The following SMIM14 variants were observed in gnomAD, a reference collection of about 807,000 sequenced individuals.
The protein encoded by SMIM14 is small integral membrane protein 14, also known as chromosome 4 open reading frame 34.
A neutral mutation model predicts 12.6 loss-of-function variants in SMIM14; 5 were observed. The observed-to-expected ratio is 0.40, with a 90% CI of 0.21 to 0.83. SMIM14 has a LOEUF of 0.83. Ranked by LOEUF, SMIM14 falls within the 40% of genes least tolerant of loss-of-function variation. The probability of loss-of-function intolerance (pLI) is 0.37; values close to 1 mark genes in which losing one functional copy is unlikely to be tolerated. For synonymous variants in SMIM14, 30 were observed against 40.1 expected (o/e 0.75, Z 0.95); for missense variants, 86 against 119.1 (o/e 0.72, Z 1.29).
chr4:39,569,909 G>A (rs1013564221), intron 3 of SMIM14, among the ~76,000 whole-genome samples: 2 of 152,052 alleles, frequency 1.3e-5, no homozygotes. Flanking sequence ...CAGCACCAGA[G>A]GAGTCTATAA....
At position 39,551,659 on chromosome 4, in the gene SMIM14, CAG is replaced by C. The variant is rs1276830234; in HGVS notation, c.*465_*466del. 6.5e-6 allele frequency: 1 copy of C among 152,720 alleles called. No individual in the cohort carries two copies. Among genetic ancestry groups the C allele is most frequent in the African/African-American group, 2.4e-5 (1 of 41,460 alleles). The allele number at this position is 152,720 out of a possible 1,614,324, so 9.5% of individuals were successfully genotyped here. On this transcript the variant is annotated 3_prime_UTR_variant, in exon 5 of 5. Transcript: ENST00000295958. Reference sequence around the variant, plus strand: ...TAAACTACCAAGGTAAATGTAAATACAGCGTGGTTCTAATTTTCTTTCACACA... The same window carrying C: ...TAAACTACCAAGGTAAATGTAAATACCGTGGTTCTAATTTTCTTTCACACA...
chr4:39,549,316 A>T lies in SMIM14; in HGVS notation c.*2810T>A, dbSNP rs974917725. On this transcript the variant is annotated 3_prime_UTR_variant, in exon 5 of 5. Coordinates refer to ENST00000295958, the MANE Select transcript of SMIM14 (RefSeq NM_174921.3). ...CCTTTTTTTTTTGAGACAGGGTCTC[A>T]CTCTGTCACTCAAGCTGGAGTGCAG... 6.6e-6 allele frequency: 1 copy of T among 151,646 alleles called. No individual in the cohort carries two copies. The highest frequency in any genetic ancestry group is 1.5e-5 in the Non-Finnish European group (1 of 68,022). The allele number at this position is 151,646 out of a possible 1,614,324, so 9.4% of individuals were successfully genotyped here. A position where few individuals can be genotyped will look rare whatever the true frequency, so the allele number is the denominator to read the frequency against.
intron 1 of SMIM14, among the ~76,000 whole-genome samples, chr4:39,612,318 G>A (rs1715065559): frequency 6.6e-6 from 1 of 150,422 alleles, no homozygotes; most frequent in African/African-American, 2.4e-5. Context: ...GCAATGGTGT[G>A]ATCTCGGCTC....
chr4:39,574,237 CTTTTTTT>C (rs11338888), intron 2 of SMIM14, among the ~76,000 whole-genome samples: 1,806 of 126,898 alleles, frequency 0.014, 29 homozygotes, highest in African/African-American at 0.05. Context: ...CTGCAACTTT[CTTTTTTT>C]TTTTTTTTTT....
intron 1 of SMIM14, among the ~76,000 whole-genome samples, chr4:39,628,518 T>A (rs1347792941): frequency 2.7e-5 from 4 of 150,616 alleles, no homozygotes; most frequent in Admixed American, 2.6e-4. Flanking sequence ...ACTAAAAATA[T>A]TTTTAAAAAA....
At chr4:39,579,671 C>T (rs1339138115) in intron 2 of SMIM14, among the ~76,000 whole-genome samples, 1 of 151,652 alleles carries the variant, frequency 6.6e-6, no homozygotes, top group Non-Finnish European at 1.5e-5. Context: ...GGTGCAACCC[C>T]ATTTCTACTA....
intron 1 of SMIM14, among the ~76,000 whole-genome samples, chr4:39,627,708 A>G (rs1237645941): frequency 6.6e-6 from 1 of 152,130 alleles, no homozygotes; most frequent in Non-Finnish European, 1.5e-5. Flanking sequence ...CATCTGCATA[A>G]AAGGGAAAGA....
rs1308302404 is a variant in SMIM14, at chr4:39,558,912, G to C, written c.125-2342C>G. 2.6e-5 allele frequency among the ~76,000 whole-genome samples: 4 copies of C among 152,044 alleles called. No homozygotes were observed. Among genetic ancestry groups the C allele is most frequent in the Non-Finnish European group, 4.4e-5 (3 of 67,998 alleles). ...TTTAGTAGAGATGGGGTTTCACCAT[G>C]TTGGCCAGGCTGGTCTCAAACTCCT... On this transcript the variant is annotated intron_variant, in intron 3 of 4. Coordinates refer to ENST00000295958, the MANE Select transcript of SMIM14 (RefSeq NM_174921.3). This position sits in a 1 kb window ranked among gnomAD's most constrained non-coding sequence, Gnocchi z 4.3.
At chr4:39,568,363 T>C (rs1712690264) in intron 3 of SMIM14, among the ~76,000 whole-genome samples, 2 of 152,134 alleles carry the variant, frequency 1.3e-5, no homozygotes, top group South Asian at 4.1e-4. Flanking sequence ...TGACTCTACC[T>C]AGCAGCTGCT....
At chr4:39,628,657 G>A (rs1326008847) in intron 1 of SMIM14, among the ~76,000 whole-genome samples, 4 of 151,328 alleles carry the variant, frequency 2.6e-5, no homozygotes, top group African/African-American at 9.7e-5. Flanking sequence ...ACTCCAGCCT[G>A]GGTGACAAGG....
In SMIM14 at chr4:39,552,052, T is replaced by C. The variant is rs1033720824; in HGVS notation, c.*74A>G. The C allele has an allele frequency of 4.8e-6, 6 of 1,251,538 alleles. No homozygotes were observed. In the Admixed American group the frequency reaches 1.1e-4, roughly 23 times the overall value. The allele number at this position is 1,251,538 out of a possible 1,614,324, so 77.5% of individuals were successfully genotyped here. A position where few individuals can be genotyped will look rare whatever the true frequency, so the allele number is the denominator to read the frequency against. Reference sequence around the variant, plus strand: ...AAAGGAAAAACAGTTCTAATGGGGTTAAGAGTACTCTGGTCATCTTCGTTC... The same window carrying C: ...AAAGGAAAAACAGTTCTAATGGGGTCAAGAGTACTCTGGTCATCTTCGTTC... On this transcript the variant is annotated 3_prime_UTR_variant, in exon 5 of 5. Transcript: ENST00000295958.
At position 39,549,173 on chromosome 4, in the gene SMIM14, G is replaced by C. The variant is rs1057247393; in HGVS notation, c.*2953C>G. On this transcript the variant is annotated 3_prime_UTR_variant, in exon 5 of 5. Coordinates refer to ENST00000295958, the MANE Select transcript of SMIM14 (RefSeq NM_174921.3). ...CGCGCCACTTCACTCCAGCTTGGGCGAAAGAGCAAAACTCCATCTCAAAAC... is the reference window on the plus strand; with the variant it reads ...CGCGCCACTTCACTCCAGCTTGGGCCAAAGAGCAAAACTCCATCTCAAAAC... 6.6e-6 allele frequency: 1 copy of C among 152,028 alleles called. No homozygotes were observed. The highest frequency in any genetic ancestry group is 2.4e-5 in the African/African-American group (1 of 41,390). 9.4% of individuals were successfully genotyped at this position (152,028 alleles called of 1,614,324 possible).
At chr4:39,584,647 T>C (rs1713694186) in intron 2 of SMIM14, among the ~76,000 whole-genome samples, 1 of 150,120 alleles carries the variant, frequency 6.7e-6, no homozygotes, top group Non-Finnish European at 1.5e-5. Context: ...AATACAAAAA[T>C]TAGCTGGGTG....
intron 1 of SMIM14, among the ~76,000 whole-genome samples, chr4:39,609,037 C>T (rs1714919180): frequency 6.6e-6 from 1 of 152,082 alleles, no homozygotes; most frequent in Non-Finnish European, 1.5e-5. Context: ...AGTGCAGTGT[C>T]ATGATCTCGG....
chr4:39,608,892 CA>C (rs954192454), intron 1 of SMIM14, among the ~76,000 whole-genome samples: 12 of 152,144 alleles, frequency 7.9e-5, no homozygotes, highest in African/African-American at 1.7e-4. Flanking sequence ...TAGGATCTTT[CA>C]GGGGGGCTGA....
intron 1 of SMIM14, among the ~76,000 whole-genome samples, chr4:39,636,253 A>T (rs1210947118): frequency 1.3e-5 from 2 of 151,530 alleles, no homozygotes; most frequent in Non-Finnish European, 2.9e-5. Context: ...GGGCCTGAAC[A>T]TCTGATCAGC....
chr4:39,598,220 C>T (rs945355120), intron 2 of SMIM14, among the ~76,000 whole-genome samples: 7 of 152,170 alleles, frequency 4.6e-5, no homozygotes, highest in African/African-American at 7.2e-5. Context: ...ACTCAATAGA[C>T]CTATTCCTCC....
intron 2 of SMIM14, among the ~76,000 whole-genome samples, chr4:39,581,025 TAAGA>T (rs1431731511): frequency 1.3e-5 from 2 of 152,158 alleles, no homozygotes; most frequent in African/African-American, 4.8e-5. Context: ...CGTGCTTAAT[TAAGA>T]AAGTGTCTTA....
chr4:39,591,136 T>TA (rs1714057565), intron 2 of SMIM14, among the ~76,000 whole-genome samples: 1 of 152,126 alleles, frequency 6.6e-6, no homozygotes, highest in Non-Finnish European at 1.5e-5. Flanking sequence ...CTAGGTTACT[T>TA]ATAATACTTA....
Sources: gnomAD v4.1 joint callset for allele counts (sites outside exome capture counted in the v4.1 genomes callset) on GRCh38, gnomAD v4.1.1 for gene constraint, Gnocchi (gnomAD v3.1) non-coding constraint, MANE v1.5 for transcripts, NCBI Gene and HGNC (gene_info 2026-07-23, HGNC 2026-07-21) for gene names.